The following CCDC192 variants were observed in gnomAD, a reference collection of about 807,000 sequenced individuals.
CCDC192 encodes coiled-coil domain containing 192.
At chr5:127,781,317 T>C (rs1023488881) in intron 3 of CCDC192, among the ~76,000 whole-genome samples, 1 of 152,338 alleles carries the variant, frequency 6.6e-6, no homozygotes, top group South Asian at 2.1e-4. Context: ...ATGCAGGATC[T>C]TCCTTGGTTC....
intron 6 of CCDC192, among the ~76,000 whole-genome samples, chr5:127,922,605 G>A (rs1430379951): frequency 6.6e-6 from 1 of 152,174 alleles, no homozygotes; most frequent in African/African-American, 2.4e-5. Flanking sequence ...GCCTGGTGTG[G>A]TGGCACACAC....
intron 5 of CCDC192, among the ~76,000 whole-genome samples, chr5:127,864,031 C>G (rs1163901214): frequency 6.6e-6 from 1 of 152,134 alleles, no homozygotes; most frequent in Non-Finnish European, 1.5e-5. Context: ...CAGGGTGTAC[C>G]AAGGATGTAT....
chr5:127,727,248 C>T (rs1561449758), intron 2 of CCDC192, among the ~76,000 whole-genome samples: 3 of 152,170 alleles, frequency 2.0e-5, no homozygotes, highest in South Asian at 2.1e-4. Flanking sequence ...ACGAGGCAGA[C>T]GATCTTCTGA....
intron 5 of CCDC192, among the ~76,000 whole-genome samples, chr5:127,834,391 G>A (rs1465780837): frequency 6.6e-6 from 1 of 152,076 alleles, no homozygotes; most frequent in African/African-American, 2.4e-5. Flanking sequence ...TCCCATGCAC[G>A]GTGTACAGAT....
intron 2 of CCDC192, among the ~76,000 whole-genome samples, chr5:127,712,159 T>C (rs1412910370): frequency 1.3e-5 from 2 of 152,230 alleles, no homozygotes; most frequent in African/African-American, 4.8e-5. Context: ...AATTTATCCA[T>C]GTTGTAGTGT....
At position 127,934,313 on chromosome 5, in the gene CCDC192, A is replaced by G. The variant is rs1580842944; in HGVS notation, c.536-6869A>G. 3.9e-5 allele frequency among the ~76,000 whole-genome samples: 6 copies of G among 152,374 alleles called. No homozygotes were observed. The South Asian group carries it at 1.2e-3, about 32-fold the overall frequency. On this transcript the variant is annotated intron_variant, in intron 6 of 6. Transcript: ENST00000514853. ...ACATCTCGAATTTTTCCTCTAAAAT[A>G]TAACTATTATAAGACTGATCTTCAT...
chr5:127,874,744 A>G (rs1751997091), intron 5 of CCDC192, among the ~76,000 whole-genome samples: 1 of 152,226 alleles, frequency 6.6e-6, no homozygotes, highest in Non-Finnish European at 1.5e-5. Flanking sequence ...ATACAAAAGC[A>G]ACACGAAAGC....
At chr5:127,724,390 T>G (rs995264121) in intron 2 of CCDC192, among the ~76,000 whole-genome samples, 2 of 152,186 alleles carry the variant, frequency 1.3e-5, no homozygotes, top group African/African-American at 4.8e-5. Flanking sequence ...TTCCAAATTA[T>G]AGCAGCATTG....
At chr5:127,887,328 CAAAAA>C in intron 6 of CCDC192, among the ~76,000 whole-genome samples, 2 of 87,572 alleles carry the variant, frequency 2.3e-5, no homozygotes, top group South Asian at 9.5e-4. Flanking sequence ...GACTCTGTCT[CAAAAA>C]AAAAAAAAAA....
At chr5:127,872,451 T>A (rs1381008831) in intron 5 of CCDC192, among the ~76,000 whole-genome samples, 2 of 152,188 alleles carry the variant, frequency 1.3e-5, no homozygotes. Flanking sequence ...GGCTGAGATG[T>A]CCATTTACTC....
At chr5:127,899,326 C>G (rs187457895) in intron 6 of CCDC192, among the ~76,000 whole-genome samples, 131 of 152,238 alleles carry the variant, frequency 8.6e-4, no homozygotes, top group African/African-American at 2.9e-3. Flanking sequence ...AAGGGACCAT[C>G]CAAAGAGAGA....
intron 5 of CCDC192, among the ~76,000 whole-genome samples, chr5:127,820,403 G>A (rs749949572): frequency 7.2e-5 from 11 of 152,182 alleles, no homozygotes; most frequent in Non-Finnish European, 1.3e-4. Context: ...CCAACATGGA[G>A]AAACCTCGCC....
intron 6 of CCDC192, among the ~76,000 whole-genome samples, chr5:127,900,048 CACTT>C (rs1199668012): frequency 3.9e-5 from 6 of 152,232 alleles, no homozygotes; most frequent in Admixed American, 3.3e-4. Context: ...CACATGTTAA[CACTT>C]ACTTTGAATA....
intron 3 of CCDC192, among the ~76,000 whole-genome samples, chr5:127,761,123 T>C (rs1182552502): frequency 6.6e-6 from 1 of 152,344 alleles, no homozygotes; most frequent in East Asian, 1.9e-4. Context: ...TTTGGGGCAT[T>C]TGTGGCTTTG....
intron 5 of CCDC192, among the ~76,000 whole-genome samples, chr5:127,823,077 A>C (rs765743200): frequency 1.3e-5 from 2 of 152,208 alleles, no homozygotes; most frequent in Non-Finnish European, 2.9e-5. Context: ...CTGCATCGCA[A>C]GAGGTCAGCC....
chr5:127,838,825 C>T (rs1436385766), intron 5 of CCDC192: 3 of 152,382 alleles, frequency 2.0e-5, no homozygotes, highest in South Asian at 2.1e-4. Flanking sequence ...AAAGCAGCAT[C>T]CTGTGTGTAG....
At chr5:127,839,259 CCATT>C (rs1203379406) in intron 5 of CCDC192, among the ~76,000 whole-genome samples, 1 of 152,132 alleles carries the variant, frequency 6.6e-6, no homozygotes, top group Non-Finnish European at 1.5e-5. Flanking sequence ...AAGTAGATGA[CCATT>C]CAAAGTCATG....
At chr5:127,931,676 C>G (rs542714463) in intron 6 of CCDC192, among the ~76,000 whole-genome samples, 2 of 152,130 alleles carry the variant, frequency 1.3e-5, no homozygotes, top group African/African-American at 4.8e-5. Context: ...AATATAGATT[C>G]CCAGGCACCC....
intron 5 of CCDC192, among the ~76,000 whole-genome samples, chr5:127,802,016 G>T (rs1417296936): frequency 1.3e-5 from 2 of 152,146 alleles, no homozygotes; most frequent in African/African-American, 4.8e-5. Flanking sequence ...CCAACTATTT[G>T]TTACAAAAAA....
Sources: allele counts gnomAD v4.1 joint callset (sites outside exome capture counted in the v4.1 genomes callset), GRCh38; gene constraint gnomAD v4.1.1; transcripts MANE v1.5; gene names NCBI Gene and HGNC (gene_info 2026-07-23, HGNC 2026-07-21).